The following ATP9B variants were observed in gnomAD, a reference collection of about 807,000 sequenced individuals.
ATP9B encodes ATPase phospholipid transporting 9B.
In ATP9B, 110 loss-of-function variants were observed where a neutral mutation model predicts 146.1. The observed-to-expected ratio is 0.75, with a 90% confidence interval of 0.65 to 0.88. ATP9B has a LOEUF of 0.88. ATP9B is among the 40% of genes least tolerant of loss of function. ATP9B has a pLI of 0.00. For missense variants in ATP9B, 1,499 were observed against 1,496.4 expected, an observed-to-expected ratio of 1.00 and a Z score of -0.03; for synonymous variants, 604 against 569.7, an observed-to-expected ratio of 1.06 and a Z score of -0.86.
In ATP9B at chr18:79,253,285, A is replaced by G. The variant is rs145787136; in HGVS notation, c.1108-96A>G. On this transcript the variant is annotated intron_variant, in intron 11 of 29. Transcript: ENST00000426216. ...AAAGGCTAATACCAATAAATTTTAAAGTTTTTTTTTTATGTCATCACTACC... is the reference window on the plus strand; with the variant it reads ...AAAGGCTAATACCAATAAATTTTAAGGTTTTTTTTTTATGTCATCACTACC... 48 of 1,112,948 alleles carry G rather than the reference A, an allele frequency of 4.3e-5. No individual in the cohort carries two copies. In the East Asian group the frequency reaches 1.2e-3, roughly 27 times the overall value. 68.9% of individuals were successfully genotyped at this position (1,112,948 alleles called of 1,614,324 possible). A position where few individuals can be genotyped will look rare whatever the true frequency, so the allele number is the denominator to read the frequency against.
chr18:79,116,816 A>T (rs1310484572), intron 4 of ATP9B, among the ~76,000 whole-genome samples: 1 of 103,120 alleles, frequency 9.7e-6, no homozygotes, highest in Non-Finnish European at 2.0e-5. Flanking sequence ...AGATATACCT[A>T]ATGCTAGATG....
intron 10 of ATP9B, among the ~76,000 whole-genome samples, chr18:79,212,328 C>T (rs560922386): frequency 1.4e-4 from 21 of 152,242 alleles, no homozygotes; most frequent in African/African-American, 5.1e-4. Flanking sequence ...GTACCAGGAC[C>T]TCTGTTAAAA....
intron 27 of ATP9B, among the ~76,000 whole-genome samples, chr18:79,373,515 A>G (rs2097085200): frequency 6.9e-6 from 1 of 145,600 alleles, no homozygotes; most frequent in Admixed American, 6.9e-5. Flanking sequence ...TTTTAGACAG[A>G]GTCTCGCTCT....
At chr18:79,355,501 A>G (rs2096946219) in intron 25 of ATP9B, among the ~76,000 whole-genome samples, 1 of 152,180 alleles carries the variant, frequency 6.6e-6, no homozygotes, top group Non-Finnish European at 1.5e-5. Context: ...AATAGAAGGG[A>G]CAGAGGGAGG....
Position 79,345,582 on chromosome 18 carries a change from G to T in ATP9B, c.2617+10G>T. The T allele has an allele frequency of 3.1e-6, 5 of 1,604,738 alleles. No individual in the cohort carries two copies. The South Asian group carries it at 4.4e-5, about 14-fold the overall frequency. On this transcript the variant is annotated intron_variant, in intron 22 of 29. Transcript: ENST00000426216. Reference sequence around the variant, plus strand: ...CGCACCTGCGCCATCGGTGAGAGCCGCCCACCCTGCTCACAGGGAGGTCTC... The same window carrying T: ...CGCACCTGCGCCATCGGTGAGAGCCTCCCACCCTGCTCACAGGGAGGTCTC...
intron 7 of ATP9B, among the ~76,000 whole-genome samples, chr18:79,167,166 T>C (rs1348409937): frequency 1.3e-5 from 2 of 152,184 alleles, no homozygotes; most frequent in Non-Finnish European, 2.9e-5. Context: ...TCTCTCCTTC[T>C]CATTGCTTGC....
At chr18:79,084,033 T>G (rs1204619153) in intron 1 of ATP9B, among the ~76,000 whole-genome samples, 4 of 151,864 alleles carry the variant, frequency 2.6e-5, no homozygotes, top group Non-Finnish European at 5.9e-5. Context: ...TAATTTTTTT[T>G]GTTTTAGTAG....
intron 11 of ATP9B, among the ~76,000 whole-genome samples, chr18:79,236,685 C>T (rs1247719032): frequency 6.6e-6 from 1 of 152,186 alleles, no homozygotes; most frequent in Non-Finnish European, 1.5e-5. Context: ...GAAAGGCTGC[C>T]CCTTCCCCAC....
chr18:79,312,339 T>C (rs2096657419), intron 15 of ATP9B, among the ~76,000 whole-genome samples: 1 of 152,254 alleles, frequency 6.6e-6, no homozygotes, highest in African/African-American at 2.4e-5. Flanking sequence ...GTTACTTTTA[T>C]AATTATTCAG....
Position 79,361,834 on chromosome 18 carries a change from G to A in ATP9B, c.3012+2372G>A, listed in dbSNP as rs1431399748. On this transcript the variant is annotated intron_variant, in intron 26 of 29. Coordinates refer to ENST00000426216, the MANE Select transcript of ATP9B (RefSeq NM_198531.5). ...GTGCCAACGCAGTTTATCCACACCG[G>A]TCAGTGTCAGTGGACACCAAGTCCC... The A allele has an allele frequency of 4.1e-6, 4 of 983,684 alleles. No individual in the cohort carries two copies. The African/African-American group carries it at 5.2e-5, about 13-fold the overall frequency. The allele number at this position is 983,684 out of a possible 1,614,324, so 60.9% of individuals were successfully genotyped here.
chr18:79,155,887 C>G (rs1387117168), intron 7 of ATP9B, among the ~76,000 whole-genome samples: 1 of 151,068 alleles, frequency 6.6e-6, no homozygotes, highest in East Asian at 2.0e-4. Context: ...CTCAGCCTCC[C>G]GGGTAGCTGG....
At position 79,111,704 on chromosome 18, in the gene ATP9B, A is replaced by G. The variant is rs145560271; in HGVS notation, c.444+1199A>G. 5.9e-3 allele frequency among the ~76,000 whole-genome samples: 893 copies of G among 152,334 alleles called. 5 individuals carry two copies. Among genetic ancestry groups the G allele is most frequent in the African/African-American group, 0.021 (863 of 41,584 alleles). On this transcript the variant is annotated intron_variant, in intron 3 of 29. Transcript: ENST00000426216. The stretch of plus-strand genomic sequence containing the variant: ...GTATTGATTGCAGTCGTTTAAAGCC[A>G]GCAGTGCAGCTTAACTTTGATCAGT...
intron 8 of ATP9B, among the ~76,000 whole-genome samples, chr18:79,190,677 C>T (rs1441891090): frequency 6.6e-6 from 1 of 152,052 alleles, no homozygotes; most frequent in Non-Finnish European, 1.5e-5. Flanking sequence ...TCGTGAATAG[C>T]TGGGACTACA....
chr18:79,224,711 T>C (rs1415945737), intron 11 of ATP9B, among the ~76,000 whole-genome samples: 1 of 152,220 alleles, frequency 6.6e-6, no homozygotes, highest in Non-Finnish European at 1.5e-5. Flanking sequence ...AACAAGGCTC[T>C]CTGCTGAGCA....
chr18:79,337,072 G>A (rs865794850), intron 18 of ATP9B, among the ~76,000 whole-genome samples: 26 of 125,470 alleles, frequency 2.1e-4, no homozygotes, highest in South Asian at 8.1e-4. Flanking sequence ...GTACACACAC[G>A]GAGCACGTAC....
chr18:79,329,114 G>C, intron 15 of ATP9B, 27 bp from the exon 16 acceptor site: 1 of 1,512,996 alleles, frequency 6.6e-7, no homozygotes, highest in Non-Finnish European at 8.9e-7. Context: ...GGCAGCGGTG[G>C]CCTCAGTTGT....
At chr18:79,168,820 C>T (rs2095025630) in intron 7 of ATP9B, among the ~76,000 whole-genome samples, 1 of 152,030 alleles carries the variant, frequency 6.6e-6, no homozygotes, top group African/African-American at 2.4e-5. Flanking sequence ...CTGTTTCTCC[C>T]CTGACAGTCT....
At chr18:79,104,099 T>G (rs1273433346) in intron 2 of ATP9B, among the ~76,000 whole-genome samples, 5 of 152,058 alleles carry the variant, frequency 3.3e-5, no homozygotes, top group African/African-American at 1.2e-4. Flanking sequence ...ACTGGGAACT[T>G]TGCTAGGATA....
chr18:79,228,647 A>G (rs2095759043), intron 11 of ATP9B, among the ~76,000 whole-genome samples: 1 of 152,218 alleles, frequency 6.6e-6, no homozygotes, highest in African/African-American at 2.4e-5. Flanking sequence ...GATTTACTCA[A>G]GATGTGACTT....
Sources: gnomAD v4.1 joint callset for allele counts (sites outside exome capture counted in the v4.1 genomes callset) on GRCh38, gnomAD v4.1.1 for gene constraint, MANE v1.5 for transcripts, NCBI Gene and HGNC (gene_info 2026-07-23, HGNC 2026-07-21) for gene names.